UBE2H: variants seen among roughly 807,000 people sequenced by gnomAD.
UBE2H encodes ubiquitin conjugating enzyme E2 H, also known as ubiquitin-conjugating enzyme E2 H.
A neutral mutation model predicts 29.0 loss-of-function variants in UBE2H; 3 were observed. That is an observed-to-expected ratio of 0.10 (90% CI 0.05 to 0.27). The LOEUF is 0.27. UBE2H is among the 10% of genes least tolerant of loss of function. The probability of loss-of-function intolerance (pLI) is 1.00; values close to 1 mark genes in which losing one functional copy is unlikely to be tolerated. For synonymous variants in UBE2H, 69 were observed against 82.9 expected (o/e 0.83, Z 0.91); for missense variants, 68 against 228.2 (o/e 0.30, Z 4.52).
In UBE2H at chr7:129,930,248, G is replaced by A. The variant is rs183004583; in HGVS notation, c.53+22255C>T. 9.7e-3 allele frequency among the ~76,000 whole-genome samples: 1,482 copies of A among 152,040 alleles called. 25 individuals are homozygous for A. Among genetic ancestry groups the A allele is most frequent in the African/African-American group, 0.034 (1,399 of 41,492 alleles). On this transcript the variant is annotated intron_variant, in intron 1 of 6. Transcript: ENST00000355621. ...ACGATCTCGGCTCACTGCAACCTCTGCCTCCTGGGTTCAAGTAATTCTCCT... is the reference window on the plus strand; with the variant it reads ...ACGATCTCGGCTCACTGCAACCTCTACCTCCTGGGTTCAAGTAATTCTCCT...
Position 129,830,798 on chromosome 7 carries a change from G to A in UBE2H, c.*4139C>T, listed in dbSNP as rs968701495. On this transcript the variant is annotated 3_prime_UTR_variant, in exon 7 of 7. Coordinates refer to ENST00000355621, the MANE Select transcript of UBE2H (RefSeq NM_003344.4). ...TTTTCATTATACACAACTATTAAGA[G>A]GTTATAGTCAGAGGAGGCATGTGTC... 2 of 147,524 alleles carry A rather than the reference G, an allele frequency of 1.4e-5. No individual in the cohort carries two copies. Among genetic ancestry groups the A allele is most frequent in the African/African-American group, 2.5e-5 (1 of 39,512 alleles). 9.1% of individuals were successfully genotyped at this position (147,524 alleles called of 1,614,324 possible). A position where few individuals can be genotyped will look rare whatever the true frequency, so the allele number is the denominator to read the frequency against.
At chr7:129,868,431 T>G (rs1017795565) in intron 3 of UBE2H, among the ~76,000 whole-genome samples, 1 of 134,888 alleles carries the variant, frequency 7.4e-6, no homozygotes, top group Non-Finnish European at 1.6e-5. Flanking sequence ...ATACAAAAAA[T>G]TAGCCAGGCG....
intron 1 of UBE2H, among the ~76,000 whole-genome samples, chr7:129,888,255 A>G (rs919281111): frequency 2.0e-5 from 3 of 152,234 alleles, no homozygotes; most frequent in East Asian, 1.9e-4. Context: ...TCAGAAAATG[A>G]GCATTATCTT....
At chr7:129,883,750 G>A (rs957548177) in intron 1 of UBE2H, among the ~76,000 whole-genome samples, 4 of 152,196 alleles carry the variant, frequency 2.6e-5, no homozygotes, top group African/African-American at 4.8e-5. Flanking sequence ...GCTGAAGCAG[G>A]AGAATCGCTT....
At chr7:129,857,388 C>A in intron 5 of UBE2H, 123 bp downstream of exon 5, 1 of 923,924 alleles carries the variant, frequency 1.1e-6, no homozygotes, top group South Asian at 1.7e-5. Context: ...CTTTCCCAGT[C>A]GGTCCCTCAA....
chr7:129,952,105 C>A (rs1056606734), intron 1 of UBE2H, among the ~76,000 whole-genome samples: 18 of 151,910 alleles, frequency 1.2e-4, no homozygotes, highest in African/African-American at 4.1e-4. Flanking sequence ...GCTTCCCTCT[C>A]GGGAATTTCT....
intron 6 of UBE2H, among the ~76,000 whole-genome samples, chr7:129,838,859 G>C (rs999728446): frequency 1.3e-5 from 2 of 152,110 alleles, no homozygotes; most frequent in African/African-American, 2.4e-5. Flanking sequence ...GGCTGGTCTC[G>C]ATCTCCTGAC....
chr7:129,948,140 A>G (rs1324272474), intron 1 of UBE2H, among the ~76,000 whole-genome samples: 1 of 151,590 alleles, frequency 6.6e-6, no homozygotes, highest in Non-Finnish European at 1.5e-5. Context: ...GATTACAGGC[A>G]TAAGCCACTG....
chr7:129,869,492 A>G (rs1312524617), intron 3 of UBE2H, among the ~76,000 whole-genome samples: 1 of 152,074 alleles, frequency 6.6e-6, no homozygotes, highest in Non-Finnish European at 1.5e-5. Flanking sequence ...TCTTATCTTC[A>G]CTGGCTTCTT....
chr7:129,863,951 C>T (rs914336947), intron 3 of UBE2H, among the ~76,000 whole-genome samples: 4 of 151,916 alleles, frequency 2.6e-5, no homozygotes, highest in Admixed American at 1.3e-4. Context: ...ATTACCACAA[C>T]CAGCTAATTT....
intron 1 of UBE2H, among the ~76,000 whole-genome samples, chr7:129,928,733 T>TATA (rs1317640705): frequency 6.6e-6 from 1 of 152,164 alleles, no homozygotes; most frequent in African/African-American, 2.4e-5. Flanking sequence ...CATTACACAT[T>TATA]GAATACATCT....
intron 1 of UBE2H, among the ~76,000 whole-genome samples, chr7:129,916,236 A>G (rs1381763363): frequency 6.6e-6 from 1 of 152,186 alleles, no homozygotes; most frequent in African/African-American, 2.4e-5. Context: ...ATCCTCTTCC[A>G]TTAAACAGAT....
intron 3 of UBE2H, among the ~76,000 whole-genome samples, chr7:129,862,817 G>A (rs1425140380): frequency 6.6e-6 from 1 of 152,170 alleles, no homozygotes; most frequent in Non-Finnish European, 1.5e-5. Context: ...AGATGGGGGG[G>A]CCACTGAGAC....
Position 129,924,616 on chromosome 7 carries a change from T to TCTCA in UBE2H, c.53+27886_53+27887insTGAG, listed in dbSNP as rs1554439772. On this transcript the variant is annotated intron_variant, in intron 1 of 6. Transcript: ENST00000355621. Reference sequence around the variant, plus strand: ...ATATGGTTGTGAAGGCCTTTTACATTCACACACACACACACACACACACAC... The same window carrying TCTCA: ...ATATGGTTGTGAAGGCCTTTTACATTCTCACACACACACACACACACACACACAC... Among the ~76,000 whole-genome samples the TCTCA allele has an allele frequency of 4.2e-5, 6 of 144,012 alleles. No homozygotes were observed. The East Asian group carries it at 1.2e-3, about 29-fold the overall frequency. The allele number at this position is 144,012 out of a possible 152,430, so 94.5% of individuals were successfully genotyped here.
intron 1 of UBE2H, among the ~76,000 whole-genome samples, chr7:129,944,752 G>A (rs113444772): frequency 0.24 from 19,133 of 78,984 alleles, 1,420 homozygotes; most frequent in Admixed American, 0.3. Flanking sequence ...ACACACACAC[G>A]CACGCACGCA....
intron 2 of UBE2H, 79 bp from the exon 3 acceptor site, chr7:129,879,721 C>A: frequency 7.6e-7 from 1 of 1,319,904 alleles, no homozygotes. Context: ...TAAACATTAT[C>A]CCCTAATCTT....
intron 1 of UBE2H, among the ~76,000 whole-genome samples, chr7:129,898,392 C>T (rs1806642057): frequency 6.6e-6 from 1 of 152,078 alleles, no homozygotes; most frequent in Admixed American, 6.6e-5. Flanking sequence ...AACCTAATCA[C>T]TTAAGTAGAA....
intron 3 of UBE2H, among the ~76,000 whole-genome samples, chr7:129,865,581 G>A (rs1463053449): frequency 6.6e-6 from 1 of 152,206 alleles, no homozygotes; most frequent in Non-Finnish European, 1.5e-5. Flanking sequence ...GATCACCAAA[G>A]GCCAAAACAG....
intron 1 of UBE2H, among the ~76,000 whole-genome samples, chr7:129,931,301 T>C (rs966847136): frequency 2.0e-5 from 3 of 151,222 alleles, no homozygotes; most frequent in Admixed American, 6.6e-5. Flanking sequence ...GGCAGGAGAA[T>C]TGCCTGAACC....
Sources: gnomAD v4.1 joint callset for allele counts (sites outside exome capture counted in the v4.1 genomes callset) on GRCh38, gnomAD v4.1.1 for gene constraint, MANE v1.5 for transcripts, NCBI Gene and HGNC (gene_info 2026-07-23, HGNC 2026-07-21) for gene names.